The following DNAAF9 variants were observed in gnomAD, a reference collection of about 807,000 sequenced individuals.
DNAAF9 encodes the protein dynein axonemal assembly factor 9, also known as shulin.
DNAAF9 carries 90 observed loss-of-function variants against 167.0 expected under a neutral mutation model. The ratio of observed to expected loss-of-function variants is 0.54; its 90% CI spans 0.45 to 0.64. The LOEUF (loss-of-function observed/expected upper bound fraction) is 0.64, where lower values mean the gene tolerates loss of function less well. DNAAF9 is among the 30% of genes least tolerant of loss of function. The pLI is 0.00. For synonymous variants in DNAAF9, 491 were observed against 508.8 expected, an observed-to-expected ratio of 0.96 and a Z score of 0.47; for missense variants, 1,315 against 1,442.2, an observed-to-expected ratio of 0.91 and a Z score of 1.43.
rs916998908 is a variant in DNAAF9 at position 3,315,893 on chromosome 20, T to C, written c.1540-108A>G. 2 of 853,158 alleles carry C rather than the reference T, an allele frequency of 2.3e-6. No homozygotes were observed. Among genetic ancestry groups the C allele is most frequent in the Non-Finnish European group, 4.1e-6 (2 of 491,578 alleles). 52.8% of individuals were successfully genotyped at this position (853,158 alleles called of 1,614,324 possible). A position where few individuals can be genotyped will look rare whatever the true frequency, so the allele number is the denominator to read the frequency against. On this transcript the variant is annotated intron_variant, in intron 18 of 36. Transcript: ENST00000252032. The surrounding 1 kb of genome is among the most constrained non-coding windows in gnomAD (Gnocchi z 4.1). Reference sequence around the variant, plus strand: ...TCCAGGACACTGGCTGGACAGTCCTTCCACCATGTCCATGTCCAGTGCTCT... The same window carrying C: ...TCCAGGACACTGGCTGGACAGTCCTCCCACCATGTCCATGTCCAGTGCTCT...
rs370558277 is a variant in DNAAF9, at chr20:3,249,462, T to C, written c.*3110A>G. The stretch of plus-strand genomic sequence containing the variant: ...GAATTAAGTAGTGTAATAAATACTA[T>C]GATAAGCAAAAAGCTTCAATCGCAC... On this transcript the variant is annotated 3_prime_UTR_variant, in exon 37 of 37. Transcript: ENST00000252032. 6.6e-6 allele frequency: 1 copy of C among 152,254 alleles called. No homozygotes were observed. The highest frequency in any genetic ancestry group is 6.5e-5 in the Admixed American group (1 of 15,286). The allele number at this position is 152,254 out of a possible 1,614,324, so 9.4% of individuals were successfully genotyped here.
Position 3,281,622 on chromosome 20 carries a change from C to A in DNAAF9, c.2612+19G>T. ...ACAAATCACTTTCAGTACACTTACA[C>A]ACCATATCCTGTATCTACCTGTGCT... is the stretch of plus-strand genomic sequence containing the variant. On this transcript the variant is annotated intron_variant, in intron 28 of 36. Transcript: ENST00000252032. 6.3e-7 allele frequency: 1 copy of A among 1,587,038 alleles called. No homozygotes were observed. Among genetic ancestry groups the A allele is most frequent in the Non-Finnish European group, 8.6e-7 (1 of 1,169,588 alleles).
chr20:3,385,544 G>A (rs2083721808), intron 1 of DNAAF9, among the ~76,000 whole-genome samples: 1 of 151,856 alleles, frequency 6.6e-6, no homozygotes, highest in South Asian at 2.1e-4. Context: ...TCCTACCTCA[G>A]CCTCCCAAGT....
chr20:3,255,808 A>G (rs1020497972), intron 34 of DNAAF9, among the ~76,000 whole-genome samples, 198 bp downstream of exon 34: 1 of 152,190 alleles, frequency 6.6e-6, no homozygotes, highest in African/African-American at 2.4e-5. Context: ...AGCAAACAAC[A>G]TAGCAGGCCT....
Position 3,395,743 on chromosome 20 carries a change from C to T in DNAAF9, c.83+11732G>A, listed in dbSNP as rs535466503. ...CTTTCCTTCCTCTCATTTTATATAC[C>T]CTTGTGTCAAGTTTTATATTTTTAT... On this transcript the variant is annotated intron_variant, in intron 1 of 36. Coordinates refer to ENST00000252032, the MANE Select transcript of DNAAF9 (RefSeq NM_001009984.3). Among the ~76,000 whole-genome samples the T allele has an allele frequency of 7.0e-4, 106 of 152,090 alleles. 1 individual carries two copies. In the South Asian group the frequency reaches 0.022, roughly 31 times the overall value.
chr20:3,337,883 GAA>G (rs1377313656), intron 10 of DNAAF9, among the ~76,000 whole-genome samples: 5 of 151,046 alleles, frequency 3.3e-5, no homozygotes, highest in Non-Finnish European at 5.9e-5. Flanking sequence ...TTAGCAATAA[GAA>G]AAATAAAAGG....
At chr20:3,389,270 T>C (rs6051826) in intron 1 of DNAAF9, among the ~76,000 whole-genome samples, 37,334 of 151,228 alleles carry the variant, frequency 0.25, 5,150 homozygotes, top group African/African-American at 0.36. Context: ...CTCAGCCTCT[T>C]GAGTAGCTGG....
At chr20:3,382,317 G>A (rs1801922498) in intron 2 of DNAAF9, 110 bp downstream of exon 2, 2 of 804,682 alleles carry the variant, frequency 2.5e-6, no homozygotes, top group Non-Finnish European at 4.2e-6. Context: ...GAACTAGGAG[G>A]ACACCAACTC....
At chr20:3,401,406 G>C (rs542785549) in intron 1 of DNAAF9, among the ~76,000 whole-genome samples, 14 of 151,856 alleles carry the variant, frequency 9.2e-5, no homozygotes, top group Non-Finnish European at 2.1e-4. Context: ...TTTTTCCAAG[G>C]CCAGGCTGGT....
At chr20:3,316,887 G>GTTT in intron 17 of DNAAF9, 94 bp from the exon 18 acceptor site, 13 of 456,398 alleles carry the variant, frequency 2.8e-5, no homozygotes, top group South Asian at 1.2e-4. Flanking sequence ...AGGAGCTAGG[G>GTTT]TTCTTTTTTT....
rs758803421 is a variant in DNAAF9, at chr20:3,332,380, T to C, written c.982-19A>G. ...GGGCTACCTGGATGTCAGAAAAAAA[T>C]AAAAATAAAAAGGGGCAATAACTTA... On this transcript the variant is annotated intron_variant, in intron 10 of 36. Coordinates refer to ENST00000252032, the MANE Select transcript of DNAAF9 (RefSeq NM_001009984.3). 1.1e-5 allele frequency: 15 copies of C among 1,410,464 alleles called. No homozygotes were observed. The highest frequency in any genetic ancestry group is 1.4e-5 in the Non-Finnish European group (14 of 998,936). The allele number at this position is 1,410,464 out of a possible 1,614,324, so 87.4% of individuals were successfully genotyped here.
At chr20:3,303,307 T>C (rs547009764) in intron 21 of DNAAF9, among the ~76,000 whole-genome samples, 1 of 152,286 alleles carries the variant, frequency 6.6e-6, no homozygotes, top group South Asian at 2.1e-4. Flanking sequence ...TTTCTTGTAT[T>C]GTTTCTAAGC....
intron 33 of DNAAF9, among the ~76,000 whole-genome samples, chr20:3,258,654 C>A (rs2122739483): frequency 6.6e-6 from 1 of 152,208 alleles, no homozygotes; most frequent in East Asian, 1.9e-4. Flanking sequence ...GGGGCAGGAA[C>A]CTGAAAGACA....
intron 2 of DNAAF9, among the ~76,000 whole-genome samples, chr20:3,381,764 T>C (rs1270298141): frequency 1.3e-5 from 2 of 152,214 alleles, no homozygotes; most frequent in Non-Finnish European, 2.9e-5. Flanking sequence ...AGGATTCATC[T>C]TGGAATGCTT....
In DNAAF9 at chr20:3,378,172, C is replaced by T. The variant is rs557262827; in HGVS notation, c.284-1870G>A. Reference sequence around the variant, plus strand: ...TGCAGAGGTCAATACCATATGGAAACCCCACAGCCTAAGGCCACTGAGGCA... The same window carrying T: ...TGCAGAGGTCAATACCATATGGAAATCCCACAGCCTAAGGCCACTGAGGCA... On this transcript the variant is annotated intron_variant, in intron 3 of 36. Coordinates refer to ENST00000252032, the MANE Select transcript of DNAAF9 (RefSeq NM_001009984.3). 1.4e-4 allele frequency among the ~76,000 whole-genome samples: 22 copies of T among 152,252 alleles called. No individual in the cohort carries two copies. The East Asian group carries it at 1.7e-3, about 12-fold the overall frequency.
chr20:3,285,160 C>G (rs1282483776), intron 27 of DNAAF9, among the ~76,000 whole-genome samples: 1 of 152,234 alleles, frequency 6.6e-6, no homozygotes, highest in Non-Finnish European at 1.5e-5. Flanking sequence ...TATTGCCCCA[C>G]CGCTTCACTA....
intron 10 of DNAAF9, among the ~76,000 whole-genome samples, chr20:3,337,187 G>T (rs1213896327): frequency 1.3e-5 from 2 of 150,964 alleles, no homozygotes; most frequent in East Asian, 1.9e-4. Flanking sequence ...CCTCAATTTG[G>T]TTTTTCTACA....
chr20:3,331,111 A>T (rs1309661788), intron 11 of DNAAF9, among the ~76,000 whole-genome samples: 1 of 152,074 alleles, frequency 6.6e-6, no homozygotes. Context: ...TTTTAAGTTA[A>T]ATATAGTACA....
chr20:3,349,368 C>T (rs1039660032), intron 7 of DNAAF9, among the ~76,000 whole-genome samples: 5 of 151,882 alleles, frequency 3.3e-5, no homozygotes, highest in Non-Finnish European at 5.9e-5. Context: ...GGTGACAGAA[C>T]GAGACTCTGT....
Sources: allele counts gnomAD v4.1 joint callset (sites outside exome capture counted in the v4.1 genomes callset), GRCh38; gene constraint gnomAD v4.1.1; non-coding constraint Gnocchi (gnomAD v3.1); transcripts MANE v1.5; gene names NCBI Gene and HGNC (gene_info 2026-07-23, HGNC 2026-07-21).